The following CHD9 variants were observed in gnomAD, a reference collection of about 807,000 sequenced individuals.
CHD9 encodes the protein ATP-dependent chromatin remodeler CHD9.
In CHD9, 77 loss-of-function variants were observed where a neutral mutation model predicts 316.1. That is an observed-to-expected ratio of 0.24 (90% CI 0.20 to 0.29). The LOEUF is 0.29. CHD9 is among the 10% of genes least tolerant of loss of function. The pLI is 1.00. For synonymous variants in CHD9, 1,129 were observed against 1,158.3 expected, an observed-to-expected ratio of 0.97 and a Z score of 0.51; for missense variants, 2,763 against 3,438.1, an observed-to-expected ratio of 0.80 and a Z score of 4.91.
intron 20 of CHD9, among the ~76,000 whole-genome samples, chr16:53,263,982 C>T (rs2152994158): frequency 6.6e-6 from 1 of 151,372 alleles, no homozygotes; most frequent in Admixed American, 6.6e-5. Context: ...TCCTAAATAT[C>T]AGTACTAACA....
intron 30 of CHD9, among the ~76,000 whole-genome samples, chr16:53,301,137 A>G (rs963076180): frequency 6.6e-6 from 1 of 152,218 alleles, no homozygotes; most frequent in Admixed American, 6.5e-5. Flanking sequence ...TATTAATAGA[A>G]TATAAAATAA....
At chr16:53,067,065 C>T (rs2033594638) in intron 1 of CHD9, among the ~76,000 whole-genome samples, 1 of 152,170 alleles carries the variant, frequency 6.6e-6, no homozygotes, top group Non-Finnish European at 1.5e-5. Context: ...ACGTCAGCCT[C>T]CCAAGTAGCT....
chr16:53,172,299 T>C (rs1053827269), intron 2 of CHD9, among the ~76,000 whole-genome samples: 2 of 152,206 alleles, frequency 1.3e-5, no homozygotes, highest in African/African-American at 2.4e-5. Flanking sequence ...GTACAGTTTG[T>C]ATAGCTTCTT....
In CHD9 at chr16:53,157,550, C is replaced by T. The variant is rs375530801; in HGVS notation, c.1452+9C>T. On this transcript the variant is annotated intron_variant, in intron 2 of 38. Coordinates refer to ENST00000447540, the MANE Select transcript of CHD9 (RefSeq NM_001308319.2). ...TATGTTTACAGCGACAGGTATGTAG[C>T]TCTTTGCTTTTATTTTGGAGATTTG... The T allele has an allele frequency of 2.5e-6, 4 of 1,591,364 alleles. No homozygotes were observed. Among genetic ancestry groups the T allele is most frequent in the Non-Finnish European group, 3.4e-6 (4 of 1,166,580 alleles).
At chr16:53,176,995 G>A (rs940110250) in intron 2 of CHD9, among the ~76,000 whole-genome samples, 18 of 151,902 alleles carry the variant, frequency 1.2e-4, no homozygotes, top group South Asian at 6.2e-4. Flanking sequence ...TCACTTTGTC[G>A]CCCAGGCTGG....
At position 53,193,617 on chromosome 16, in the gene CHD9, C is replaced by T. The variant is rs550732675; in HGVS notation, c.1453-15865C>T. Among the ~76,000 whole-genome samples, 19 of 152,084 alleles carry T rather than the reference C, an allele frequency of 1.2e-4. No homozygotes were observed. The South Asian group carries it at 4.0e-3, about 32-fold the overall frequency. On this transcript the variant is annotated intron_variant, in intron 2 of 38. Transcript: ENST00000447540. ...TAAAGTGTCCATTCAAATCGTTGGCCCATTTTAAAAATTGGAGTCTTTGTT... is the reference window on the plus strand; with the variant it reads ...TAAAGTGTCCATTCAAATCGTTGGCTCATTTTAAAAATTGGAGTCTTTGTT...
intron 3 of CHD9, among the ~76,000 whole-genome samples, chr16:53,216,209 G>T (rs2046750384): frequency 6.6e-6 from 1 of 152,028 alleles, no homozygotes; most frequent in Non-Finnish European, 1.5e-5. Context: ...TAAACTCTTT[G>T]TAATCCATGA....
chr16:53,227,117 A>G (rs753449769), intron 5 of CHD9: 13 of 248,766 alleles, frequency 5.2e-5, no homozygotes, highest in Non-Finnish European at 9.2e-5. Context: ...GATAATAATG[A>G]AGATAATAGA....
chr16:53,062,653 G>A (rs2033039509), intron 1 of CHD9, among the ~76,000 whole-genome samples: 1 of 152,108 alleles, frequency 6.6e-6, no homozygotes, highest in African/African-American at 2.4e-5. Flanking sequence ...GAGGTGGGAG[G>A]ATGGTTTAAG....
intron 3 of CHD9, 81 bp from the exon 4 acceptor site, chr16:53,222,563 T>C (rs763189295): frequency 4.4e-6 from 3 of 683,852 alleles, no homozygotes; most frequent in Non-Finnish European, 7.7e-6. Flanking sequence ...TGGAAGAAAG[T>C]TTATCATGAC....
intron 30 of CHD9, among the ~76,000 whole-genome samples, chr16:53,302,799 G>A (rs1232256473): frequency 3.3e-5 from 5 of 152,252 alleles, no homozygotes; most frequent in African/African-American, 1.2e-4. Flanking sequence ...TTTGGCATTA[G>A]GAGCTGCTTA....
At chr16:53,314,266 A>G (rs1423206074) in intron 34 of CHD9, 111 bp from the exon 35 acceptor site, 32 of 689,434 alleles carry the variant, frequency 4.6e-5, no homozygotes, top group Non-Finnish European at 6.9e-5. Context: ...TTTCTACATT[A>G]AAGATGTATA....
chr16:53,130,269 G>A (rs1189482548), intron 1 of CHD9, among the ~76,000 whole-genome samples: 1 of 152,130 alleles, frequency 6.6e-6, no homozygotes, highest in Non-Finnish European at 1.5e-5. Context: ...CAGCACGGGC[G>A]CGTGACACCC....
intron 2 of CHD9, among the ~76,000 whole-genome samples, chr16:53,182,649 TA>T (rs1392351020): frequency 6.6e-6 from 1 of 152,160 alleles, no homozygotes; most frequent in Non-Finnish European, 1.5e-5. Flanking sequence ...TTTTTTTCCA[TA>T]TTTCTGAGTT....
chr16:53,228,686 CA>C (rs2047892882), intron 7 of CHD9, among the ~76,000 whole-genome samples: 1 of 151,970 alleles, frequency 6.6e-6, no homozygotes, highest in African/African-American at 2.4e-5. Flanking sequence ...CTGATAATGA[CA>C]AAACTGTTAT....
chr16:53,057,078 A>G (rs1019538265), intron 1 of CHD9, among the ~76,000 whole-genome samples: 1 of 152,196 alleles, frequency 6.6e-6, no homozygotes, highest in Admixed American at 6.5e-5. Context: ...TGGGAAGCTG[A>G]GGCAGAAAGA....
At chr16:53,272,840 G>C (rs1310953582) in intron 22 of CHD9, among the ~76,000 whole-genome samples, 2 of 152,140 alleles carry the variant, frequency 1.3e-5, no homozygotes, top group African/African-American at 4.8e-5. Flanking sequence ...GGACTACATA[G>C]GGACTTCAAC....
chr16:53,164,445 G>A (rs1444530427), intron 2 of CHD9, among the ~76,000 whole-genome samples: 2 of 151,938 alleles, frequency 1.3e-5, no homozygotes, highest in Non-Finnish European at 2.9e-5. Flanking sequence ...TGGGAGTGAT[G>A]GTGTGCACCT....
chr16:53,285,501 T>C (rs2053795217), intron 24 of CHD9, 95 bp from the exon 25 acceptor site: 1 of 558,612 alleles, frequency 1.8e-6, no homozygotes. Context: ...AGCTCTCTCT[T>C]GAAAGCCACA....
Sources: gnomAD v4.1 joint callset for allele counts (sites outside exome capture counted in the v4.1 genomes callset) on GRCh38, gnomAD v4.1.1 for gene constraint, MANE v1.5 for transcripts, NCBI Gene and HGNC (gene_info 2026-07-23, HGNC 2026-07-21) for gene names.